RETREG1: variants seen among roughly 807,000 people sequenced by gnomAD.
RETREG1 encodes family with sequence similarity 134 member B.
RETREG1 carries 44 observed loss-of-function variants against 54.8 expected under a neutral mutation model. The ratio of observed to expected loss-of-function variants is 0.80; its 90% confidence interval spans 0.63 to 1.03. The LOEUF (loss-of-function observed/expected upper bound fraction) is 1.03. RETREG1 is among the 50% of genes least tolerant of loss of function. RETREG1 has a pLI of 0.00. For synonymous variants in RETREG1, 217 were observed against 238.5 expected, an observed-to-expected ratio of 0.91 and a Z score of 0.83; for missense variants, 554 against 605.1, an observed-to-expected ratio of 0.92 and a Z score of 0.89.
At chr5:16,542,396 CT>C (rs1193792264) in intron 3 of RETREG1, among the ~76,000 whole-genome samples, 1 of 152,210 alleles carries the variant, frequency 6.6e-6, no homozygotes, top group African/African-American at 2.4e-5. Flanking sequence ...GGTGACAGGG[CT>C]TTTGAAAAAC....
chr5:16,578,452 T>C (rs1742395544), intron 1 of RETREG1, among the ~76,000 whole-genome samples: 8 of 152,236 alleles, frequency 5.3e-5, no homozygotes, highest in Admixed American at 3.9e-4. Flanking sequence ...AAATTGTTTC[T>C]AACCGATCTT....
At chr5:16,602,043 AG>A (rs1434777530) in intron 1 of RETREG1, among the ~76,000 whole-genome samples, 1 of 152,210 alleles carries the variant, frequency 6.6e-6, no homozygotes, top group Non-Finnish European at 1.5e-5. Flanking sequence ...AGCGGGATAA[AG>A]ATGTTTTCCG....
chr5:16,566,597 T>C (rs1386805649), intron 2 of RETREG1, among the ~76,000 whole-genome samples: 1 of 152,260 alleles, frequency 6.6e-6, no homozygotes, highest in African/African-American at 2.4e-5. Flanking sequence ...TCGAGAGCTA[T>C]GGGATAAATC....
intron 1 of RETREG1, among the ~76,000 whole-genome samples, chr5:16,590,559 C>T (rs1452468710): frequency 6.6e-6 from 1 of 152,016 alleles, no homozygotes; most frequent in Non-Finnish European, 1.5e-5. Flanking sequence ...GAAAAAGAAC[C>T]CCTAGCCTAA....
intron 1 of RETREG1, among the ~76,000 whole-genome samples, chr5:16,596,420 T>G (rs1332818545): frequency 6.6e-6 from 1 of 152,136 alleles, no homozygotes; most frequent in African/African-American, 2.4e-5. Context: ...GCTGCCAGAG[T>G]GGCTTTTTGG....
intron 1 of RETREG1, among the ~76,000 whole-genome samples, chr5:16,589,246 G>A (rs781093305): frequency 2.8e-4 from 43 of 152,002 alleles, no homozygotes; most frequent in Non-Finnish European, 4.7e-4. Flanking sequence ...TGACACTCTT[G>A]GGGATTATAA....
intron 1 of RETREG1, among the ~76,000 whole-genome samples, chr5:16,586,190 T>C (rs1579709386): frequency 6.6e-6 from 1 of 152,120 alleles, no homozygotes; most frequent in Non-Finnish European, 1.5e-5. Flanking sequence ...AATAAACTCA[T>C]GAAGGTCAGG....
chr5:16,570,080 TTCTGCTGTTTTGAAACACC>T (rs1742132647), intron 2 of RETREG1, among the ~76,000 whole-genome samples: 1 of 152,198 alleles, frequency 6.6e-6, no homozygotes, highest in African/African-American at 2.4e-5. Context: ...GAGAAGATGT[TTCTGCTGTTTTGAAACACC>T]AGGTTTGTGG....
At chr5:16,568,852 G>A (rs769876291) in intron 2 of RETREG1, among the ~76,000 whole-genome samples, 5 of 152,100 alleles carry the variant, frequency 3.3e-5, no homozygotes, top group Non-Finnish European at 5.9e-5. Context: ...ATAACTGGGG[G>A]AAGGATACAA....
intron 1 of RETREG1, among the ~76,000 whole-genome samples, chr5:16,588,586 T>C (rs540006366): frequency 2.0e-5 from 3 of 152,288 alleles, no homozygotes; most frequent in Admixed American, 6.5e-5. Flanking sequence ...AGCCCCACCA[T>C]GCTGAGGACA....
At chr5:16,522,290 T>C (rs1018904309) in intron 3 of RETREG1, among the ~76,000 whole-genome samples, 1 of 152,160 alleles carries the variant, frequency 6.6e-6, no homozygotes. Flanking sequence ...TCCAGTAATC[T>C]AATGGGCTTT....
Position 16,493,824 on chromosome 5 carries a change from T to C in RETREG1, c.459-10352A>G, listed in dbSNP as rs532531979. 3.3e-5 allele frequency among the ~76,000 whole-genome samples: 5 copies of C among 152,220 alleles called. No homozygotes were observed. In the South Asian group the frequency reaches 8.3e-4, roughly 25 times the overall value. On this transcript the variant is annotated intron_variant, in intron 3 of 8. Coordinates refer to ENST00000306320, the MANE Select transcript of RETREG1 (RefSeq NM_001034850.3). ...TTTTTAGAGATGGTACCCACCACAC[T>C]GGTCCTGAGCACCAGGTATATACAA...
rs1738618466 is a variant in RETREG1, at chr5:16,478,083, TTTTC to T, written c.820_823del (p.Glu274LysfsTer9). On this transcript the variant is annotated frameshift_variant, in exon 7 of 9. Coordinates refer to ENST00000306320, the MANE Select transcript of RETREG1 (RefSeq NM_001034850.3). LOFTEE classifies it high-confidence loss of function. ...TAATTCACTGTCATCTTTGTGACTT[TTTTC>T]TTTGTCTGCTTCTGTTGAGGAAAAA... is the stretch of plus-strand genomic sequence containing the variant. 6.2e-7 allele frequency: 1 copy of T among 1,611,096 alleles called. No homozygotes were observed. Among genetic ancestry groups the T allele is most frequent in the Admixed American group, 1.7e-5 (1 of 59,754 alleles).
At chr5:16,515,726 C>T (rs1484111677) in intron 3 of RETREG1, among the ~76,000 whole-genome samples, 1 of 152,186 alleles carries the variant, frequency 6.6e-6, no homozygotes, top group African/African-American at 2.4e-5. Context: ...TTCAAATCCT[C>T]TTCACTATTA....
intron 3 of RETREG1, among the ~76,000 whole-genome samples, chr5:16,531,232 G>C (rs1256636396): frequency 6.6e-6 from 1 of 152,202 alleles, no homozygotes; most frequent in Non-Finnish European, 1.5e-5. Flanking sequence ...GGTTGGGAGA[G>C]GCAAAGTAGA....
At chr5:16,482,619 T>C (rs575802347) in intron 4 of RETREG1, among the ~76,000 whole-genome samples, 1 of 152,236 alleles carries the variant, frequency 6.6e-6, no homozygotes, top group Admixed American at 6.5e-5. Context: ...CTGACATTCC[T>C]AGCTCTTCAT....
intron 3 of RETREG1, among the ~76,000 whole-genome samples, chr5:16,518,095 TTATA>T: frequency 6.7e-6 from 1 of 148,400 alleles, no homozygotes; most frequent in South Asian, 2.1e-4. Context: ...CTATGTATAT[TTATA>T]TATAATCAAT....
chr5:16,478,080 C>T lies in RETREG1; in HGVS notation c.827G>A (p.Ser276Asn). Residue 276 changes from serine (S) to asparagine (N), a missense_variant, in exon 7 of 9, where the codon AGT becomes AAT. Physicochemically the swap from Ser to Asn is conservative, Grantham distance 46 (BLOSUM62 1). Transcript: ENST00000306320. The stretch of plus-strand genomic sequence containing the variant: ...GTCTAATTCACTGTCATCTTTGTGA[C>T]TTTTTTCTTTGTCTGCTTCTGTTGA... The part of the protein sequence containing the change: ...RERSEADKEK[S>N]HKDDSELDFS... 6.2e-7 allele frequency: 1 copy of T among 1,610,924 alleles called. No homozygotes were observed. Among genetic ancestry groups the T allele is most frequent in the African/African-American group, 1.3e-5 (1 of 74,890 alleles).
chr5:16,596,248 A>G (rs1189359582), intron 1 of RETREG1, among the ~76,000 whole-genome samples: 1 of 152,240 alleles, frequency 6.6e-6, no homozygotes, highest in Non-Finnish European at 1.5e-5. Context: ...CATAGAAATA[A>G]TTATCTTCCA....
Sources: gnomAD v4.1 joint callset for allele counts (sites outside exome capture counted in the v4.1 genomes callset) on GRCh38, gnomAD v4.1.1 for gene constraint, MANE v1.5 for transcripts, NCBI Gene and HGNC (gene_info 2026-07-23, HGNC 2026-07-21) for gene names.